The following BCCIP variants were observed in gnomAD, a reference collection of about 807,000 sequenced individuals.
BCCIP encodes the protein BRCA2 and CDKN1A interacting protein.
In BCCIP, 23 loss-of-function variants were observed where a neutral mutation model predicts 32.8. The observed-to-expected ratio is 0.70, with a 90% confidence interval of 0.51 to 0.99. The LOEUF is 0.99. BCCIP is among the 50% of genes least tolerant of loss of function. The pLI, the probability that BCCIP is intolerant of heterozygous loss-of-function variation, is 0.00. For missense variants in BCCIP, 378 were observed against 379.8 expected (o/e 1.00, Z 0.04); for synonymous variants, 144 against 137.6 (o/e 1.05, Z -0.33).
At chr10:125,825,023 C>T (rs1200043930) in intron 1 of BCCIP, among the ~76,000 whole-genome samples, 1 of 152,286 alleles carries the variant, frequency 6.6e-6, no homozygotes. Flanking sequence ...ACAAATTTTA[C>T]TTTGGCTCTA....
rs535736548 is a variant in BCCIP at position 125,852,331 on chromosome 10, A to G, written c.851-794A>G. 6.2e-7 allele frequency: 1 copy of G among 1,614,182 alleles called. No individual in the cohort carries two copies. The highest frequency in any genetic ancestry group is 1.3e-5 in the African/African-American group (1 of 75,042). On this transcript the variant is annotated intron_variant, in intron 7 of 7. Coordinates refer to the BCCIP transcript ENST00000368759. Reference sequence around the variant, plus strand: ...GAAGTCACAGTGGCCTAGGCCCGCAATGTCTATCCTCTTCATAAAAAGCAC... The same window carrying G: ...GAAGTCACAGTGGCCTAGGCCCGCAGTGTCTATCCTCTTCATAAAAAGCAC...
downstream of BCCIP, among the ~76,000 whole-genome samples, chr10:125,846,871 G>C (rs1179000778): frequency 6.6e-6 from 1 of 152,068 alleles, no homozygotes; most frequent in Non-Finnish European, 1.5e-5. Flanking sequence ...TAAAGCTTAG[G>C]GCAGAGAGCA....
At chr10:125,843,828 C>T (rs1854943488), downstream of BCCIP, among the ~76,000 whole-genome samples, 2 of 152,196 alleles carry the variant, frequency 1.3e-5, no homozygotes, top group Non-Finnish European at 2.9e-5. Context: ...AAAAGATCTG[C>T]TACTAGGAGT....
chr10:125,823,592 G>C lies in BCCIP; in HGVS notation c.35G>C (p.Ser12Thr). Residue 12 changes from serine (S) to threonine (T), a missense_variant, in exon 1 of 7, where the codon AGT becomes ACT. By Grantham distance (58) the Ser-to-Thr change is moderately conservative. Coordinates refer to ENST00000278100, the MANE Select transcript of BCCIP (RefSeq NM_078468.3). ...ASRSKRRAVESGVPQPPDPPV... is the reference protein window; with the variant it reads ...ASRSKRRAVETGVPQPPDPPV... ...AGGTCTAAGCGGCGTGCCGTGGAAAGTGGGGTTCCGCAGCCGCCGGATCCC... is the reference window on the plus strand; with the variant it reads ...AGGTCTAAGCGGCGTGCCGTGGAAACTGGGGTTCCGCAGCCGCCGGATCCC... 2 of 1,614,084 alleles carry C rather than the reference G, an allele frequency of 1.2e-6. No homozygotes were observed. Among genetic ancestry groups the C allele is most frequent in the Non-Finnish European group, 1.7e-6 (2 of 1,179,968 alleles).
At chr10:125,825,080 C>T (rs1854349780) in intron 1 of BCCIP, among the ~76,000 whole-genome samples, 1 of 152,264 alleles carries the variant, frequency 6.6e-6, no homozygotes, top group Non-Finnish European at 1.5e-5. Context: ...CTTTGACTGG[C>T]TCTTTTATTA....
At position 125,836,400 on chromosome 10, in the gene BCCIP, A is replaced by G; in HGVS notation, c.*126A>G. On this transcript the variant is annotated 3_prime_UTR_variant, in exon 7 of 7. Transcript: ENST00000278100. The stretch of plus-strand genomic sequence containing the variant: ...TCTACAAAAAGTAGGGTTCTGTCCC[A>G]TGTGTCTCTGACACATTTACAAAAT... 6 of 1,512,252 alleles carry G rather than the reference A, an allele frequency of 4.0e-6. No individual in the cohort carries two copies. The highest frequency in any genetic ancestry group is 4.4e-6 in the Non-Finnish European group (5 of 1,134,866). 93.7% of individuals were successfully genotyped at this position (1,512,252 alleles called of 1,614,324 possible).
chr10:125,847,825 C>T (rs1231326187), intron 7 of BCCIP, among the ~76,000 whole-genome samples: 1 of 152,068 alleles, frequency 6.6e-6, no homozygotes, highest in Non-Finnish European at 1.5e-5. Context: ...GAGCGGGCAG[C>T]CTAGATCCCT....
chr10:125,852,607 G>A (rs758264288), intron 7 of BCCIP: 1 of 1,612,982 alleles, frequency 6.2e-7, no homozygotes, highest in Non-Finnish European at 8.5e-7. Context: ...TGGGCTGCAT[G>A]ACGAGCGAGT....
chr10:125,833,876 A>G lies in BCCIP; in HGVS notation c.704A>G (p.Lys235Arg), dbSNP rs541189437. 5.0e-6 allele frequency: 8 copies of G among 1,614,262 alleles called. No homozygotes were observed. The South Asian group carries it at 7.7e-5, about 16-fold the overall frequency. ...GTGGAAGCAGGAAAAAACAATTCCA[A>G]AAAGAAACCTAGCAACAAAAAGAAA... ...TFVEAGKNNS[K>R]KKPSNKKKAA... Residue 235 changes from lysine to arginine, a missense_variant, in exon 6 of 7, where the codon AAA (lysine) becomes AGA (arginine). Physicochemically the swap from Lys to Arg is conservative, Grantham distance 26. Coordinates refer to ENST00000278100, the MANE Select transcript of BCCIP (RefSeq NM_078468.3).
intron 6 of BCCIP, among the ~76,000 whole-genome samples, chr10:125,835,685 C>G (rs1252529752): frequency 6.6e-6 from 1 of 152,106 alleles, no homozygotes; most frequent in Non-Finnish European, 1.5e-5. Flanking sequence ...GCGGGGTATG[C>G]AGATTTACTC....
chr10:125,829,614 C>T (rs1433762016), intron 3 of BCCIP, among the ~76,000 whole-genome samples: 2 of 152,212 alleles, frequency 1.3e-5, no homozygotes, highest in Admixed American at 1.3e-4. Flanking sequence ...TTCAAGGCTT[C>T]TGACAATATT....
At chr10:125,839,063 A>G (rs1391487727), downstream of BCCIP, 1 of 1,614,230 alleles carries the variant, frequency 6.2e-7, no homozygotes, top group Non-Finnish European at 8.5e-7. Context: ...TTGGAGCCAA[A>G]AGCAGGTTCT....
chr10:125,844,050 C>T (rs1490516777), downstream of BCCIP, among the ~76,000 whole-genome samples: 3 of 152,288 alleles, frequency 2.0e-5, no homozygotes, highest in Non-Finnish European at 2.9e-5. Context: ...ACAGCATTAC[C>T]GTCTTACTTG....
exon 7 of BCCIP, chr10:125,841,991 AG>A (rs1854894846): frequency 1.3e-6 from 2 of 1,487,210 alleles, no homozygotes; most frequent in East Asian, 4.9e-5. Flanking sequence ...ATGGAGAAAC[AG>A]GTACTGGACT....
intron 6 of BCCIP, among the ~76,000 whole-genome samples, chr10:125,835,569 ACT>A (rs58944878): frequency 0.36 from 47,990 of 134,960 alleles, 8,157 homozygotes; most frequent in Middle Eastern, 0.46. Flanking sequence ...ACAGAGTGAG[ACT>A]CTGTCTCAAA....
intron 6 of BCCIP, among the ~76,000 whole-genome samples, chr10:125,834,574 G>A (rs1417263791): frequency 5.3e-5 from 8 of 151,892 alleles, no homozygotes; most frequent in Admixed American, 3.3e-4. Flanking sequence ...AAGCTGAGGC[G>A]GGCAGATCAC....
chr10:125,852,572 C>T lies in BCCIP; in HGVS notation c.851-553C>T, dbSNP rs61757586. ...AGAAGATGAGCCAAGAATCTGCTTG[C>T]GTATCTCTGCCTGGCTCTGGCTGAT... On this transcript the variant is annotated intron_variant, in intron 7 of 7. Transcript: ENST00000368759. 10 of 1,613,624 alleles carry T rather than the reference C, an allele frequency of 6.2e-6. No homozygotes were observed. The highest frequency in any genetic ancestry group is 8.5e-6 in the Non-Finnish European group (10 of 1,179,900).
At position 125,836,182 on chromosome 10, in the gene BCCIP, G is replaced by T. The variant is rs201179267; in HGVS notation, c.853G>T (p.Val285Leu). 1 of 1,614,206 alleles carries T rather than the reference G, an allele frequency of 6.2e-7. No homozygotes were observed. Among genetic ancestry groups the T allele is most frequent in the South Asian group, 1.1e-5 (1 of 91,086 alleles). The change falls in exon 7 of 7, where the codon GTA becomes TTA. Residue 285 changes from valine (V) to leucine (L), a missense_variant. Physicochemically the swap from Val to Leu is conservative, Grantham distance 32 (BLOSUM62 1). Transcript: ENST00000278100. ...GGGAGGCAAATGGTCTTTTGATGAC[G>T]TACCAATGACGCCCTTGCGAACTGT... The part of the protein sequence containing the change: ...CLGGKWSFDD[V>L]PMTPLRTVML...
At chr10:125,850,354 C>CTTTTT (rs765077777) in intron 7 of BCCIP, among the ~76,000 whole-genome samples, 23 of 124,530 alleles carry the variant, frequency 1.8e-4, no homozygotes, top group African/African-American at 3.1e-4. Flanking sequence ...TTCTTTCTTT[C>CTTTTT]TTTTTTTTTT....
Sources: gnomAD v4.1 joint callset for allele counts (sites outside exome capture counted in the v4.1 genomes callset) on GRCh38, gnomAD v4.1.1 for gene constraint, MANE v1.5 for transcripts, NCBI Gene and HGNC (gene_info 2026-07-23, HGNC 2026-07-21) for gene names.